Variants in OSTF1 observed in about 807,000 individuals in gnomAD.
OSTF1 encodes osteoclast-stimulating factor 1.
OSTF1 carries 27 observed loss-of-function variants against 37.2 expected under a neutral mutation model. The ratio of observed to expected loss-of-function variants is 0.73; its 90% CI spans 0.54 to 1.00. The LOEUF (loss-of-function observed/expected upper bound fraction) is 1.00, where lower values mean the gene tolerates loss of function less well. Among genes scored for constraint, OSTF1 ranks in the 50% least tolerant of loss-of-function variants. The pLI is 0.00. For missense variants in OSTF1, 232 were observed against 253.8 expected, an observed-to-expected ratio of 0.91 and a Z score of 0.58; for synonymous variants, 82 against 89.2, an observed-to-expected ratio of 0.92 and a Z score of 0.46.
chr9:75,103,130 T>C (rs1825223330), intron 1 of OSTF1, among the ~76,000 whole-genome samples: 1 of 151,754 alleles, frequency 6.6e-6, no homozygotes, highest in African/African-American at 2.4e-5. Context: ...CTACAAAAAA[T>C]AGAGAAAGAA....
intron 5 of OSTF1, among the ~76,000 whole-genome samples, chr9:75,132,962 T>TAC (rs1242050180): frequency 4.1e-5 from 4 of 97,702 alleles, no homozygotes; most frequent in Non-Finnish European, 8.0e-5. Flanking sequence ...TATATACACA[T>TAC]ACACACACAT....
At chr9:75,136,603 G>C (rs971190874) in intron 7 of OSTF1, among the ~76,000 whole-genome samples, 3 of 152,144 alleles carry the variant, frequency 2.0e-5, no homozygotes, top group Non-Finnish European at 4.4e-5. Flanking sequence ...CGTTAGCCAG[G>C]CTGGTCTCGA....
chr9:75,125,634 A>AT (rs1430544113), intron 2 of OSTF1, among the ~76,000 whole-genome samples: 3 of 152,200 alleles, frequency 2.0e-5, no homozygotes, highest in Non-Finnish European at 4.4e-5. Flanking sequence ...GGACTTAGCC[A>AT]TTTGGGGGCA....
chr9:75,117,089 A>G (rs2118514018), intron 1 of OSTF1, among the ~76,000 whole-genome samples: 1 of 152,330 alleles, frequency 6.6e-6, no homozygotes, highest in Non-Finnish European at 1.5e-5. Flanking sequence ...TGATTGACAG[A>G]TAATTGTACA....
At chr9:75,136,218 G>A (rs1463710977) in intron 7 of OSTF1, among the ~76,000 whole-genome samples, 2 of 152,008 alleles carry the variant, frequency 1.3e-5, no homozygotes, top group Admixed American at 1.3e-4. Context: ...CTTGTTTCAT[G>A]ACACAATATG....
chr9:75,145,177 A>ATCTATCTATCTATCTATCTAATCT (rs10701570), intron 9 of OSTF1, among the ~76,000 whole-genome samples: 50 of 149,064 alleles, frequency 3.4e-4, no homozygotes, highest in African/African-American at 5.9e-4. Context: ...CTATCTATCT[A>ATCTATCTATCTATCTATCTAATCT]ATCTATCTAT....
intron 8 of OSTF1, among the ~76,000 whole-genome samples, chr9:75,137,872 G>T (rs1044636704): frequency 6.6e-6 from 1 of 152,140 alleles, no homozygotes; most frequent in African/African-American, 2.4e-5. Context: ...GAACTGTATT[G>T]TATGTTTCTG....
At chr9:75,105,972 A>G (rs1243519259) in intron 1 of OSTF1, among the ~76,000 whole-genome samples, 2 of 152,224 alleles carry the variant, frequency 1.3e-5, no homozygotes, top group Non-Finnish European at 2.9e-5. Flanking sequence ...GCACACTGTT[A>G]ATAAACAGAA....
At chr9:75,113,407 G>A (rs1825425737) in intron 1 of OSTF1, among the ~76,000 whole-genome samples, 1 of 150,206 alleles carries the variant, frequency 6.7e-6, no homozygotes, top group African/African-American at 2.4e-5. Context: ...TATATTCTAT[G>A]TCAGTGTCTG....
chr9:75,124,416 C>A (rs1424876896), intron 2 of OSTF1, among the ~76,000 whole-genome samples: 1 of 152,150 alleles, frequency 6.6e-6, no homozygotes, highest in Non-Finnish European at 1.5e-5. Context: ...CGTCTCCCCC[C>A]AGGTTTGCCC....
At chr9:75,120,542 C>CT (rs778853426) in intron 2 of OSTF1, among the ~76,000 whole-genome samples, 3 of 152,156 alleles carry the variant, frequency 2.0e-5, no homozygotes, top group Non-Finnish European at 2.9e-5. Context: ...ACTCTTGACT[C>CT]TATCTCCTCT....
Position 75,137,612 on chromosome 9 carries a change from A to G in OSTF1, c.483A>G (p.Ala161=), listed in dbSNP as rs150303795. 22 of 1,607,566 alleles carry G rather than the reference A, an allele frequency of 1.4e-5. No individual in the cohort carries two copies. In the African/African-American group the frequency reaches 2.5e-4, roughly 19 times the overall value. ...GYADIVQLLL[A]KGARTDLRNI... is the part of the protein sequence containing the mutation. Reference sequence around the variant, plus strand: ...CAGATATCGTCCAGTTGCTTCTGGCAAAAGGTAAAGTTTGTGCTGAGTTTA... The same window carrying G: ...CAGATATCGTCCAGTTGCTTCTGGCGAAAGGTAAAGTTTGTGCTGAGTTTA... The change falls in exon 8 of 10, where the codon GCA becomes GCG. Residue 161 remains alanine (A), a synonymous_variant. Coordinates refer to ENST00000346234, the MANE Select transcript of OSTF1 (RefSeq NM_012383.5).
At chr9:75,143,100 C>T (rs867436918) in intron 9 of OSTF1, among the ~76,000 whole-genome samples, 3 of 151,994 alleles carry the variant, frequency 2.0e-5, no homozygotes, top group East Asian at 1.9e-4. Flanking sequence ...CCACGATGCC[C>T]GGCTAATTTT....
chr9:75,095,894 C>T (rs1256510627), intron 1 of OSTF1, among the ~76,000 whole-genome samples: 1 of 150,570 alleles, frequency 6.6e-6, no homozygotes, highest in Non-Finnish European at 1.5e-5. Flanking sequence ...GCTGTGGCCC[C>T]CCTTTTTTTT....
intron 8 of OSTF1, 106 bp from the exon 9 acceptor site, chr9:75,140,728 G>T (rs1825928354): frequency 1.5e-6 from 1 of 679,856 alleles, no homozygotes; most frequent in Non-Finnish European, 2.6e-6. Flanking sequence ...AGCCAGAGTT[G>T]TTCACTAGTT....
At chr9:75,144,467 A>G (rs1825990131) in intron 9 of OSTF1, among the ~76,000 whole-genome samples, 1 of 152,154 alleles carries the variant, frequency 6.6e-6, no homozygotes, top group African/African-American at 2.4e-5. Context: ...TGGGAGGATC[A>G]CTTGAGTCCA....
chr9:75,135,265 G>A (rs2118602332), intron 7 of OSTF1, among the ~76,000 whole-genome samples: 1 of 152,272 alleles, frequency 6.6e-6, no homozygotes, highest in African/African-American at 2.4e-5. Flanking sequence ...TGGCTCTGTG[G>A]CATTCTTGTT....
chr9:75,115,608 C>A (rs1440826392), intron 1 of OSTF1, among the ~76,000 whole-genome samples: 1 of 149,424 alleles, frequency 6.7e-6, no homozygotes, highest in South Asian at 2.1e-4. Flanking sequence ...TGTTCTAAAT[C>A]TATTTATTTT....
At position 75,137,532 on chromosome 9, in the gene OSTF1, C is replaced by T. The variant is rs1162922561; in HGVS notation, c.409-6C>T. The T allele has an allele frequency of 1.9e-6, 3 of 1,587,336 alleles. No homozygotes were observed. Among genetic ancestry groups the T allele is most frequent in the Non-Finnish European group, 2.6e-6 (3 of 1,155,604 alleles). On this transcript the variant is annotated splice_region_variant and splice_polypyrimidine_tract_variant and intron_variant, in intron 7 of 9. Transcript: ENST00000346234. ...AAAATGGTACTTTCTCTTTTTATCA[C>T]TATAGAACAAGTTGGGAGATACAGC...
Sources: gnomAD v4.1 joint callset for allele counts (sites outside exome capture counted in the v4.1 genomes callset) on GRCh38, gnomAD v4.1.1 for gene constraint, MANE v1.5 for transcripts, NCBI Gene and HGNC (gene_info 2026-07-23, HGNC 2026-07-21) for gene names.